SLIT2: variants seen among roughly 807,000 people sequenced by gnomAD.
SLIT2 encodes slit homolog 2 protein.
A neutral mutation model predicts 185.7 loss-of-function variants in SLIT2; 41 were observed. The observed-to-expected ratio is 0.22, with a 90% CI of 0.17 to 0.29. The LOEUF is 0.29. Among genes scored for constraint, SLIT2 ranks in the 10% least tolerant of loss-of-function variants. The pLI is 1.00. For synonymous variants in SLIT2, 693 were observed against 680.2 expected (o/e 1.02, Z -0.29); for missense variants, 1,571 against 1,909.0 (o/e 0.82, Z 3.30).
chr4:20,302,888 A>G (rs998797365), intron 4 of SLIT2, among the ~76,000 whole-genome samples: 2 of 152,222 alleles, frequency 1.3e-5, no homozygotes, highest in African/African-American at 2.4e-5. Flanking sequence ...AACTTTCATG[A>G]TATAAATTTA....
chr4:20,546,125 T>C, intron 22 of SLIT2, 26 bp downstream of exon 22: 1 of 1,311,926 alleles, frequency 7.6e-7, no homozygotes, highest in Non-Finnish European at 1.1e-6. Flanking sequence ...CACTTTTCTT[T>C]GACTTACTCT....
intron 4 of SLIT2, among the ~76,000 whole-genome samples, chr4:20,293,400 G>C (rs181715604): frequency 1.2e-4 from 19 of 152,276 alleles, no homozygotes; most frequent in African/African-American, 4.6e-4. Flanking sequence ...CATTTAAAAA[G>C]ATATTTGCAA....
chr4:20,508,681 C>T (rs1204334138), intron 9 of SLIT2, among the ~76,000 whole-genome samples: 1 of 151,716 alleles, frequency 6.6e-6, no homozygotes, highest in Non-Finnish European at 1.5e-5. Flanking sequence ...AAGTAAAACT[C>T]CCTGATCTGA....
chr4:20,255,123 G>A (rs1332684928), intron 1 of SLIT2: 2 of 450,960 alleles, frequency 4.4e-6, no homozygotes. Context: ...TAAGCGAAGG[G>A]CGCGGGGCTA....
intron 4 of SLIT2, among the ~76,000 whole-genome samples, chr4:20,320,912 C>T (rs568826780): frequency 1.2e-4 from 18 of 152,174 alleles, no homozygotes; most frequent in African/African-American, 4.3e-4. Context: ...GCCTGTAATC[C>T]CAGCACTTTG....
chr4:20,482,779 A>C (rs554601434), intron 6 of SLIT2, among the ~76,000 whole-genome samples: 1 of 151,932 alleles, frequency 6.6e-6, no homozygotes, highest in African/African-American at 2.4e-5. Context: ...TTCTAAAAAG[A>C]TTGAAATATT....
At chr4:20,519,677 G>A (rs187711184) in intron 12 of SLIT2, among the ~76,000 whole-genome samples, 4 of 152,216 alleles carry the variant, frequency 2.6e-5, no homozygotes, top group Admixed American at 1.3e-4. Context: ...TATCATGAAT[G>A]TATGCATTCT....
chr4:20,278,851 G>A (rs935959501), intron 4 of SLIT2, among the ~76,000 whole-genome samples: 2 of 151,796 alleles, frequency 1.3e-5, no homozygotes, highest in East Asian at 1.9e-4. Flanking sequence ...GAAGCGAGAG[G>A]TGGGCATACT....
chr4:20,379,152 G>T (rs1182933775), intron 4 of SLIT2, among the ~76,000 whole-genome samples: 1 of 152,042 alleles, frequency 6.6e-6, no homozygotes, highest in African/African-American at 2.4e-5. Flanking sequence ...AATGTAAACT[G>T]TGGGCTTTGG....
intron 4 of SLIT2, among the ~76,000 whole-genome samples, chr4:20,412,283 C>G (rs1727317357): frequency 6.7e-6 from 1 of 149,632 alleles, no homozygotes; most frequent in East Asian, 2.0e-4. Context: ...TGATTCTCAC[C>G]TCTACTATAC....
At position 20,553,668 on chromosome 4, in the gene SLIT2, A is replaced by G. The variant is rs559853917; in HGVS notation, c.2562-137A>G. Reference sequence around the variant, plus strand: ...CTAAATTGTTATCCTCAATAAATCTATGGGGATTTTCTGCTGAGCATCACT... The same window carrying G: ...CTAAATTGTTATCCTCAATAAATCTGTGGGGATTTTCTGCTGAGCATCACT... On this transcript the variant is annotated intron_variant, in intron 25 of 36. Transcript: ENST00000504154. The G allele has an allele frequency of 2.2e-4, 172 of 775,672 alleles. No individual in the cohort carries two copies. In the African/African-American group the frequency reaches 2.8e-3, roughly 13 times the overall value. 48.0% of individuals were successfully genotyped at this position (775,672 alleles called of 1,614,324 possible).
chr4:20,491,843 T>C lies in SLIT2; in HGVS notation c.858T>C (p.Cys286=), dbSNP rs762215560. The C allele has an allele frequency of 6.2e-7, 1 of 1,614,006 alleles. No individual in the cohort carries two copies. The highest frequency in any genetic ancestry group is 1.1e-5 in the South Asian group (1 of 91,068). ...CCTGTAGCAACAATATCGTAGACTG[T>C]CGTGGGAAAGGTCTCACTGAGATCC... ...ACTCSNNIVD[C]RGKGLTEIPT... The change falls in exon 9 of 37, where the codon TGT becomes TGC. Residue 286 remains cysteine (C), a synonymous_variant. Transcript: ENST00000504154.
chr4:20,493,528 A>G (rs1174622491), intron 9 of SLIT2, among the ~76,000 whole-genome samples: 1 of 152,204 alleles, frequency 6.6e-6, no homozygotes, highest in East Asian at 1.9e-4. Flanking sequence ...GAAAAACATA[A>G]TAAGAGATGA....
chr4:20,407,382 G>T (rs1001460205), intron 4 of SLIT2, among the ~76,000 whole-genome samples: 2 of 152,130 alleles, frequency 1.3e-5, no homozygotes, highest in Admixed American at 6.5e-5. Flanking sequence ...AATATAATCT[G>T]GGAAAAATAA....
intron 4 of SLIT2, among the ~76,000 whole-genome samples, chr4:20,322,414 A>C (rs1391877757): frequency 3.9e-5 from 6 of 152,178 alleles, no homozygotes; most frequent in Non-Finnish European, 7.3e-5. Context: ...AGGGGTCATC[A>C]AGGTCATAGG....
At chr4:20,339,596 C>T (rs1024358544) in intron 4 of SLIT2, among the ~76,000 whole-genome samples, 1 of 152,098 alleles carries the variant, frequency 6.6e-6, no homozygotes, top group Non-Finnish European at 1.5e-5. Flanking sequence ...GCAACAAGCA[C>T]AAGTTTGAAG....
At position 20,486,256 on chromosome 4, in the gene SLIT2, C is replaced by A; in HGVS notation, c.596C>A (p.Pro199His). 1 of 1,587,138 alleles carries A rather than the reference C, an allele frequency of 6.3e-7. No homozygotes were observed. The highest frequency in any genetic ancestry group is 8.7e-7 in the Non-Finnish European group (1 of 1,155,776). ...TCTGTGGCAAGTTTCAACCATATGC[C>A]TAAACTTAGGACTTTGTAAGTAGTC... ...RLSVASFNHM[P>H]KLRTFRLHSN... Residue 199 changes from proline to histidine, a missense_variant, in exon 7 of 37, where the codon CCT becomes CAT. By Grantham distance (77) the Pro-to-His change is moderately conservative. Around this residue, in one of 3 missense-constraint regions of SLIT2, gnomAD observed 1,202 missense variants for 1,416.4 expected, o/e 0.85. Transcript: ENST00000504154.
At chr4:20,270,473 G>GA (rs1183814583) in intron 4 of SLIT2, among the ~76,000 whole-genome samples, 63 of 151,956 alleles carry the variant, frequency 4.1e-4, no homozygotes, top group African/African-American at 1.5e-3. Flanking sequence ...GCTGCTGTAT[G>GA]AAAAAAGACT....
intron 5 of SLIT2, among the ~76,000 whole-genome samples, chr4:20,477,099 A>G (rs1716193049): frequency 6.6e-6 from 1 of 151,916 alleles, no homozygotes; most frequent in South Asian, 2.1e-4. Flanking sequence ...GCTGGTAAAA[A>G]CCAAAATGAA....
Sources: allele counts gnomAD v4.1 joint callset (sites outside exome capture counted in the v4.1 genomes callset), GRCh38; gene constraint gnomAD v4.1.1; regional missense constraint gnomAD v4.1.1; transcripts MANE v1.5; gene names NCBI Gene and HGNC (gene_info 2026-07-23, HGNC 2026-07-21).